The following C1orf94 variants were observed in gnomAD, a reference collection of about 807,000 sequenced individuals.
C1orf94 encodes the protein chromosome 1 open reading frame 94, also known as uncharacterized protein C1orf94.
A neutral mutation model predicts 53.6 loss-of-function variants in C1orf94; 45 were observed. The ratio of observed to expected loss-of-function variants is 0.84; its 90% confidence interval spans 0.66 to 1.08. The LOEUF (loss-of-function observed/expected upper bound fraction) is 1.08, where lower values mean the gene tolerates loss of function less well. C1orf94 is among the 50% of genes least tolerant of loss of function. The probability of loss-of-function intolerance (pLI) is 0.00; values close to 1 mark genes in which losing one functional copy is unlikely to be tolerated. For synonymous variants in C1orf94, 304 were observed against 296.1 expected, an observed-to-expected ratio of 1.03 and a Z score of -0.27; for missense variants, 762 against 738.9, an observed-to-expected ratio of 1.03 and a Z score of -0.36.
At chr1:34,214,290 T>A (rs1642947105) in intron 6 of C1orf94, among the ~76,000 whole-genome samples, 2 of 152,102 alleles carry the variant, frequency 1.3e-5, no homozygotes, top group Admixed American at 1.3e-4. Flanking sequence ...GCTGAAGAAT[T>A]AGATTTGTCT....
intron 1 of C1orf94, among the ~76,000 whole-genome samples, chr1:34,170,428 C>T (rs914985935): frequency 6.6e-6 from 1 of 152,158 alleles, no homozygotes; most frequent in Non-Finnish European, 1.5e-5. Flanking sequence ...TGAGAACCAG[C>T]ACTTTCTAGG....
At chr1:34,212,154 G>T in intron 5 of C1orf94, 56 bp from the exon 6 acceptor site, 1 of 1,514,264 alleles carries the variant, frequency 6.6e-7, no homozygotes, top group Non-Finnish European at 8.9e-7. Flanking sequence ...GGTGGCTGGG[G>T]TTAGAGTTGG....
At chr1:34,218,464 C>T (rs1300505285) in intron 6 of C1orf94, among the ~76,000 whole-genome samples, 1 of 152,088 alleles carries the variant, frequency 6.6e-6, no homozygotes, top group East Asian at 1.9e-4. Flanking sequence ...CTTCCTGATC[C>T]AAGTAAGCAT....
chr1:34,199,632 G>A (rs969485964), intron 2 of C1orf94, among the ~76,000 whole-genome samples: 5 of 152,220 alleles, frequency 3.3e-5, no homozygotes, highest in South Asian at 2.1e-4. Flanking sequence ...CTGCTATTGG[G>A]CAGCACAGTG....
rs67041028 is a variant in C1orf94, at chr1:34,218,956, TACAC to T, written c.*211_*214del. 39 of 371,152 alleles carry T rather than the reference TACAC, an allele frequency of 1.1e-4. No homozygotes were observed. The highest frequency in any genetic ancestry group is 6.4e-4 in the Middle Eastern group (1 of 1,556). The allele number at this position is 371,152 out of a possible 1,614,324, so 23.0% of individuals were successfully genotyped here. A position where few individuals can be genotyped will look rare whatever the true frequency, so the allele number is the denominator to read the frequency against. On this transcript the variant is annotated 3_prime_UTR_variant, in exon 7 of 7. Transcript: ENST00000488417. ...AGCCCTCCTCACACATGGCACAAGC[TACAC>T]ACACACACACACACATGACCCTCAT...
intron 1 of C1orf94, among the ~76,000 whole-genome samples, chr1:34,179,174 T>A (rs1409192714): frequency 6.6e-6 from 1 of 152,226 alleles, no homozygotes; most frequent in Non-Finnish European, 1.5e-5. Flanking sequence ...CTGCTGTCCC[T>A]CTGTGGGCTC....
chr1:34,218,314 G>A (rs1014392411), intron 6 of C1orf94, among the ~76,000 whole-genome samples: 1 of 152,296 alleles, frequency 6.6e-6, no homozygotes, highest in African/African-American at 2.4e-5. Flanking sequence ...TGAGGGACAT[G>A]TCTGGTCCTC....
upstream of C1orf94, among the ~76,000 whole-genome samples, chr1:34,173,618 C>T (rs1368199703): frequency 1.3e-5 from 2 of 152,170 alleles, no homozygotes; most frequent in African/African-American, 4.8e-5. Flanking sequence ...CATACATTAG[C>T]CAAGCTATTA....
At chr1:34,211,612 G>T (rs531823425) in intron 5 of C1orf94, among the ~76,000 whole-genome samples, 1 of 152,276 alleles carries the variant, frequency 6.6e-6, no homozygotes, top group East Asian at 1.9e-4. Context: ...TCAAAACTCA[G>T]TTCCTCATGC....
chr1:34,194,568 G>A (rs722652), intron 1 of C1orf94, among the ~76,000 whole-genome samples: 52,170 of 152,088 alleles, frequency 0.34, 10,824 homozygotes, highest in African/African-American at 0.59. Flanking sequence ...AATGACTAGT[G>A]TGTGATGACC....
intron 4 of C1orf94, among the ~76,000 whole-genome samples, chr1:34,206,137 G>C (rs1173765709): frequency 6.6e-6 from 1 of 152,154 alleles, no homozygotes; most frequent in East Asian, 1.9e-4. Flanking sequence ...GCACAAGCAG[G>C]TGTGGGATGG....
intron 6 of C1orf94, among the ~76,000 whole-genome samples, chr1:34,217,738 C>T (rs1643013551): frequency 6.6e-6 from 1 of 152,210 alleles, no homozygotes; most frequent in Non-Finnish European, 1.5e-5. Flanking sequence ...TGCTTCTTCC[C>T]TCCTCTGCTC....
chr1:34,178,222 A>G (rs1642259925), intron 1 of C1orf94, 113 bp downstream of exon 1: 1 of 1,131,718 alleles, frequency 8.8e-7, no homozygotes, highest in Non-Finnish European at 1.2e-6. Flanking sequence ...TAAAGGCTGT[A>G]TATTGCCCCC....
At position 34,170,093 on chromosome 1, in the gene C1orf94, G is replaced by A. The variant is rs115953543; in HGVS notation, c.-251+2922G>A. Among the ~76,000 whole-genome samples, 325 of 152,342 alleles carry A rather than the reference G, an allele frequency of 2.1e-3. 2 individuals are homozygous for A. The highest frequency in any genetic ancestry group is 7.4e-3 in the African/African-American group (308 of 41,582). ...CAGGGTGTTAAGCCATTGAAATATT[G>A]GAGTTTGTTACAGCAGCTAGCAATA... is the stretch of plus-strand genomic sequence containing the variant. On this transcript the variant is annotated intron_variant, in intron 1 of 6. Transcript: ENST00000373374.
chr1:34,195,268 G>C (rs1386730894), intron 1 of C1orf94, among the ~76,000 whole-genome samples: 1 of 152,158 alleles, frequency 6.6e-6, no homozygotes, highest in Non-Finnish European at 1.5e-5. Flanking sequence ...ACTGTGCTGA[G>C]CTCACGTACC....
At chr1:34,170,884 G>C (rs546694200) in intron 1 of C1orf94, among the ~76,000 whole-genome samples, 3 of 152,134 alleles carry the variant, frequency 2.0e-5, no homozygotes, top group Non-Finnish European at 4.4e-5. Context: ...CCATCACTGA[G>C]CCCTCCAGAT....
At position 34,212,344 on chromosome 1, in the gene C1orf94, C is replaced by A; in HGVS notation, c.1659C>A (p.Asn553Lys). The A allele has an allele frequency of 6.2e-7, 1 of 1,613,968 alleles. No homozygotes were observed. Among genetic ancestry groups the A allele is most frequent in the Non-Finnish European group, 8.5e-7 (1 of 1,179,958 alleles). The change falls in exon 6 of 7, where the codon AAC becomes AAA. Residue 553 changes from asparagine to lysine, a missense_variant. Physicochemically the swap from Asn to Lys is moderately conservative, Grantham distance 94. Transcript: ENST00000488417. ...GGACACCTCCAAAGATGTCTGCCAA[C>A]CCCCGAGACCCTCCCCTAATGGCAG... ...PQRTPPKMSANPRDPPLMAGD... is the reference protein window; with the variant it reads ...PQRTPPKMSAKPRDPPLMAGD...
intron 1 of C1orf94, among the ~76,000 whole-genome samples, chr1:34,180,871 A>G (rs954429481): frequency 6.6e-6 from 1 of 152,084 alleles, no homozygotes. Context: ...TTGACTCTGC[A>G]CCTATTTATC....
At chr1:34,171,873 C>T (rs1642150258) in intron 1 of C1orf94, among the ~76,000 whole-genome samples, 1 of 152,182 alleles carries the variant, frequency 6.6e-6, no homozygotes, top group Non-Finnish European at 1.5e-5. Flanking sequence ...GTTTTATTGC[C>T]TTATTACCTC....
Sources: gnomAD v4.1 joint callset for allele counts (sites outside exome capture counted in the v4.1 genomes callset) on GRCh38, gnomAD v4.1.1 for gene constraint, MANE v1.5 for transcripts, NCBI Gene and HGNC (gene_info 2026-07-23, HGNC 2026-07-21) for gene names.